Variants in NF1 observed in about 807,000 individuals in gnomAD.
NF1 encodes neurofibromin.
NF1 carries 122 observed loss-of-function variants against 325.7 expected under a neutral mutation model. The ratio of observed to expected loss-of-function variants is 0.37; its 90% confidence interval spans 0.32 to 0.44. The LOEUF (loss-of-function observed/expected upper bound fraction) is 0.44, where lower values mean the gene tolerates loss of function less well. Ranked by LOEUF, NF1 falls within the 20% of genes least tolerant of loss-of-function variation. The pLI is 1.00. For synonymous variants in NF1, 1,091 were observed against 1,186.0 expected (o/e 0.92, Z 1.65); for missense variants, 2,140 against 3,415.4 (o/e 0.63, Z 9.31).
chr17:31,173,326 C>T (rs2065963456), intron 5 of NF1, among the ~76,000 whole-genome samples: 1 of 152,150 alleles, frequency 6.6e-6, no homozygotes, highest in Non-Finnish European at 1.5e-5. Flanking sequence ...AGGAGAATGG[C>T]ATGAACCCGG....
At chr17:31,114,473 C>T (rs748622992) in intron 1 of NF1, among the ~76,000 whole-genome samples, 5 of 149,580 alleles carry the variant, frequency 3.3e-5, no homozygotes, top group Admixed American at 1.3e-4. Context: ...AGGAGGCAGA[C>T]GTGGCAGTGA....
chr17:31,320,244 A>G (rs140403330), intron 36 of NF1: 3 of 675,756 alleles, frequency 4.4e-6, no homozygotes, highest in South Asian at 3.2e-5. Flanking sequence ...AAGCAAAACT[A>G]TATTGTTCTC....
chr17:31,291,805 G>A (rs189827258), intron 36 of NF1, among the ~76,000 whole-genome samples: 1 of 152,266 alleles, frequency 6.6e-6, no homozygotes, highest in Admixed American at 6.5e-5. Context: ...TTTCTTCTGG[G>A]TCCCTATTTC....
intron 36 of NF1, among the ~76,000 whole-genome samples, chr17:31,309,979 G>A (rs548041505): frequency 2.0e-5 from 3 of 152,236 alleles, no homozygotes; most frequent in South Asian, 4.1e-4. Context: ...TTCTATGATG[G>A]CAATTCAGTG....
At chr17:31,219,177 G>C in intron 14 of NF1, 59 bp downstream of exon 14, 6 of 1,549,186 alleles carry the variant, frequency 3.9e-6, no homozygotes, top group Non-Finnish European at 5.3e-6. Flanking sequence ...GTACATTCAT[G>C]ATGTTCCTTT....
In NF1 at chr17:31,259,126, G is replaced by A. The variant is rs1555618691; in HGVS notation, c.4427G>A (p.Arg1476His). The change falls in exon 33 of 58, where the codon CGC (arginine) becomes CAC (histidine). Residue 1476 changes from arginine to histidine, a missense_variant. Coordinates refer to ENST00000358273, the MANE Select transcript of NF1 (RefSeq NM_001042492.3). ...GTGAAAAGCAACTTTGATGCAGCAC[G>A]CAGGTAATTTTCTTGCCACTTACTC... ...DFVKSNFDAA[R>H]RFFLDIASDC... The A allele has an allele frequency of 6.3e-7, 1 of 1,595,718 alleles. No individual in the cohort carries two copies. The highest frequency in any genetic ancestry group is 8.6e-7 in the Non-Finnish European group (1 of 1,167,808).
At position 31,112,359 on chromosome 17, in the gene NF1, A is replaced by G. The variant is rs138623645; in HGVS notation, c.60+16990A>G. Reference sequence around the variant, plus strand: ...AGGATATTATATTCTGTAATATTTTAAGAGGCCACCAAGCTGTTCCTAAAG... The same window carrying G: ...AGGATATTATATTCTGTAATATTTTGAGAGGCCACCAAGCTGTTCCTAAAG... On this transcript the variant is annotated intron_variant, in intron 1 of 57. Transcript: ENST00000358273. Among the ~76,000 whole-genome samples, 231 of 152,314 alleles carry G rather than the reference A, an allele frequency of 1.5e-3. 1 individual carries two copies. Among genetic ancestry groups the G allele is most frequent in the African/African-American group, 5.2e-3 (217 of 41,584 alleles).
intron 36 of NF1, among the ~76,000 whole-genome samples, chr17:31,281,736 C>T (rs1016856170): frequency 6.6e-6 from 1 of 152,014 alleles, no homozygotes; most frequent in Non-Finnish European, 1.5e-5. Context: ...AAAAAAAATT[C>T]ATTGAAATGA....
At chr17:31,114,162 C>G (rs1913683462) in intron 1 of NF1, among the ~76,000 whole-genome samples, 2 of 152,176 alleles carry the variant, frequency 1.3e-5, no homozygotes. Flanking sequence ...GTAGACCTTG[C>G]TTCTGTAACT....
At chr17:31,120,073 G>A (rs1914297211) in intron 1 of NF1, among the ~76,000 whole-genome samples, 1 of 152,138 alleles carries the variant, frequency 6.6e-6, no homozygotes, top group Admixed American at 6.6e-5. Flanking sequence ...TTGTTGCTTA[G>A]GATTGTCTTG....
chr17:31,238,863 G>A (rs1375758459), intron 29 of NF1, among the ~76,000 whole-genome samples: 1 of 152,124 alleles, frequency 6.6e-6, no homozygotes. Context: ...GAAACCCAGG[G>A]ACAACAAAAG....
At chr17:31,136,058 G>A (rs987747238) in intron 1 of NF1, among the ~76,000 whole-genome samples, 3 of 151,950 alleles carry the variant, frequency 2.0e-5, no homozygotes, top group Non-Finnish European at 2.9e-5. Context: ...GGGCCAGCGC[G>A]GTGGCTCACG....
intron 10 of NF1, 102 bp from the exon 11 acceptor site, chr17:31,201,307 GTT>G: frequency 7.5e-7 from 1 of 1,333,824 alleles, no homozygotes; most frequent in Non-Finnish European, 1.0e-6. Flanking sequence ...AAAACTTAGT[GTT>G]TTTTTTTTAA....
chr17:31,327,685 G>A lies in NF1; in HGVS notation c.5455G>A (p.Ala1819Thr), dbSNP rs368998534. 6.2e-7 allele frequency: 1 copy of A among 1,614,032 alleles called. No homozygotes were observed. Among genetic ancestry groups the A allele is most frequent in the African/African-American group, 1.3e-5 (1 of 74,896 alleles). ...CACCTTCATGCACCAGGAGTGTGAA[G>A]CCATTGTCCAGTCTATCATTCATAT... ...PLTFMHQECEAIVQSIIHIRT... is the reference protein window; with the variant it reads ...PLTFMHQECETIVQSIIHIRT... Residue 1819 changes from alanine to threonine, a missense_variant, in exon 38 of 58, where the codon GCC (alanine) becomes ACC (threonine). Ala to Thr is a moderately conservative substitution (Grantham distance 58, BLOSUM62 0). Around this residue, in one of 10 missense-constraint regions of NF1, gnomAD observed 147 missense variants for 186.7 expected, o/e 0.79. Coordinates refer to ENST00000358273, the MANE Select transcript of NF1 (RefSeq NM_001042492.3).
At chr17:31,362,167 C>T (rs1238440332) in intron 57 of NF1, 1 of 282,070 alleles carries the variant, frequency 3.5e-6, no homozygotes, top group African/African-American at 2.3e-5. Flanking sequence ...ATACCCCAGG[C>T]GATTCTTACA....
At chr17:31,138,934 CTTCA>C (rs1484596012) in intron 1 of NF1, among the ~76,000 whole-genome samples, 1 of 151,932 alleles carries the variant, frequency 6.6e-6, no homozygotes, top group East Asian at 1.9e-4. Context: ...TCTTCTCATT[CTTCA>C]TTATCTTTTT....
Position 31,121,938 on chromosome 17 carries a change from A to G in NF1, c.60+26569A>G, listed in dbSNP as rs372474501. Among the ~76,000 whole-genome samples the G allele has an allele frequency of 6.5e-4, 99 of 152,276 alleles. 1 individual carries two copies. Among genetic ancestry groups the G allele is most frequent in the African/African-American group, 2.0e-3 (81 of 41,534 alleles). ...GGTTCTGAAGGATGCAGGTGTTTCA[A>G]TGGTGTCCCATTAATATCCCCAGGC... On this transcript the variant is annotated intron_variant, in intron 1 of 57. Transcript: ENST00000358273.
intron 40 of NF1, among the ~76,000 whole-genome samples, chr17:31,335,853 ATT>A (rs71360768): frequency 2.2e-4 from 25 of 112,758 alleles, no homozygotes; most frequent in African/African-American, 4.6e-4. Context: ...TAATTTTTGT[ATT>A]TTTTTTTTTT....
At chr17:31,258,617 AT>A in intron 32 of NF1, 115 bp downstream of exon 32, 1 of 1,129,992 alleles carries the variant, frequency 8.8e-7, no homozygotes, top group South Asian at 1.4e-5. Context: ...GTTTTCAGTT[AT>A]GTGCTTTTGT....
Sources: allele counts gnomAD v4.1 joint callset (sites outside exome capture counted in the v4.1 genomes callset), GRCh38; gene constraint gnomAD v4.1.1; regional missense constraint gnomAD v4.1.1; transcripts MANE v1.5; gene names NCBI Gene and HGNC (gene_info 2026-07-23, HGNC 2026-07-21).